The following PLCB2 variants were observed in gnomAD, a reference collection of about 807,000 sequenced individuals.
The protein encoded by PLCB2 is phospholipase C beta 2, also known as 1-phosphatidylinositol 4,5-bisphosphate phosphodiesterase beta-2.
PLCB2 carries 115 observed loss-of-function variants against 141.7 expected under a neutral mutation model. The ratio of observed to expected loss-of-function variants is 0.81; its 90% confidence interval spans 0.70 to 0.95. The LOEUF (loss-of-function observed/expected upper bound fraction) is 0.95. Among genes scored for constraint, PLCB2 ranks in the 40% least tolerant of loss-of-function variants. The pLI is 0.00. For synonymous variants in PLCB2, 603 were observed against 595.6 expected, an observed-to-expected ratio of 1.01 and a Z score of -0.18; for missense variants, 1,403 against 1,541.1, an observed-to-expected ratio of 0.91 and a Z score of 1.50.
downstream of PLCB2, chr15:40,285,485 A>G (rs2039598056): frequency 1.0e-6 from 1 of 966,870 alleles, no homozygotes; most frequent in South Asian, 4.8e-5. Context: ...CATTTTTTTT[A>G]TTTTGTTTTG....
At position 40,291,794 on chromosome 15, in the gene PLCB2, C is replaced by T. The variant is rs777951553; in HGVS notation, c.2602+55G>A. The stretch of plus-strand genomic sequence containing the variant: ...GGTGAAATTTTTTAAAGGGAAGTGC[C>T]TGTGGGTGCAGAGGTGGAGGTGCCC... On this transcript the variant is annotated intron_variant, in intron 24 of 31. Coordinates refer to ENST00000260402, the MANE Select transcript of PLCB2 (RefSeq NM_004573.3). 4 of 1,612,760 alleles carry T rather than the reference C, an allele frequency of 2.5e-6. 1 individual carries two copies. In the South Asian group the frequency reaches 4.4e-5, roughly 18 times the overall value.
chr15:40,307,864 G>C lies in PLCB2; in HGVS notation c.-192C>G. The stretch of plus-strand genomic sequence containing the variant: ...GTGCAGGACTGAGCTGTAGCCAGAG[G>C]CCCATCTGCCTTGTAAATCACCCTC... On this transcript the variant is annotated 5_prime_UTR_variant, in exon 1 of 32. Transcript: ENST00000260402. The C allele has an allele frequency of 4.9e-6, 2 of 404,998 alleles. No homozygotes were observed. Among genetic ancestry groups the C allele is most frequent in the Non-Finnish European group, 8.7e-6 (2 of 229,080 alleles). 25.1% of individuals were successfully genotyped at this position (404,998 alleles called of 1,614,324 possible). A position where few individuals can be genotyped will look rare whatever the true frequency, so the allele number is the denominator to read the frequency against.
intron 24 of PLCB2, 43 bp from the exon 25 acceptor site, chr15:40,291,693 CCCTTGGCTCCGTTCG>C (rs753589352): frequency 9.9e-6 from 16 of 1,609,210 alleles, no homozygotes; most frequent in African/African-American, 2.7e-5. Flanking sequence ...TCTGGGGGGC[CCCTTGGCTCCGTTCG>C]CCTCCTCCAC....
intron 1 of PLCB2, among the ~76,000 whole-genome samples, chr15:40,306,648 C>T (rs2141202627): frequency 6.6e-6 from 1 of 152,326 alleles, no homozygotes; most frequent in East Asian, 1.9e-4. Flanking sequence ...ATCCCCTAGC[C>T]TAGCCCAGCC....
At chr15:40,294,498 C>T in intron 18 of PLCB2, 78 bp from the exon 19 acceptor site, 1 of 1,495,132 alleles carries the variant, frequency 6.7e-7, no homozygotes, top group South Asian at 1.1e-5. Context: ...CATTCCCAGC[C>T]TTTGCTGTCT....
chr15:40,284,565 G>A (rs1200243533), downstream of PLCB2: 1 of 454,316 alleles, frequency 2.2e-6, no homozygotes, highest in Non-Finnish European at 4.4e-6. Context: ...TCCCAGGCCG[G>A]GTGCAGTGGC....
chr15:40,289,435 C>T, intron 30 of PLCB2, 77 bp from the exon 31 acceptor site: 1 of 1,096,506 alleles, frequency 9.1e-7, no homozygotes, highest in Non-Finnish European at 1.4e-6. Flanking sequence ...GTAATCCCAG[C>T]TAACTAGTTG....
chr15:40,287,880 T>C (rs533957350), downstream of PLCB2: 5 of 972,060 alleles, frequency 5.1e-6, no homozygotes, highest in African/African-American at 7.0e-5. Context: ...TTTCTACCTG[T>C]AGAATAGAGA....
intron 26 of PLCB2, 23 bp downstream of exon 26, chr15:40,291,242 C>T (rs1376080604): frequency 1.3e-5 from 20 of 1,572,666 alleles, no homozygotes; most frequent in Non-Finnish European, 1.6e-5. Context: ...CTGCAGAGGG[C>T]AGGGCACCGC....
At chr15:40,305,175 C>CTTTTTTTTTTTTTTTTTTTTTTTTTT (rs11320842) in intron 1 of PLCB2, among the ~76,000 whole-genome samples, 1 of 134,780 alleles carries the variant, frequency 7.4e-6, no homozygotes, top group South Asian at 2.4e-4. Context: ...TTTGTGATCT[C>CTTTTTTTTTTTTTTTTTTTTTTTTTT]TTTTTTTTTT....
chr15:40,285,778 C>T (rs1216529270), downstream of PLCB2: 7 of 985,356 alleles, frequency 7.1e-6, no homozygotes, highest in Non-Finnish European at 8.4e-6. Flanking sequence ...GGCCCACCAG[C>T]CTGACAAGCC....
chr15:40,285,581 G>A, downstream of PLCB2: 1 of 985,118 alleles, frequency 1.0e-6, no homozygotes, highest in Non-Finnish European at 1.2e-6. Flanking sequence ...TTCTGGGGTG[G>A]CCCCCAGGAA....
chr15:40,300,698 G>A (rs2040458432), intron 7 of PLCB2: 1 of 152,210 alleles, frequency 6.6e-6, no homozygotes, highest in South Asian at 2.1e-4. Context: ...TTTACCACCA[G>A]AATAGGCAAA....
intron 8 of PLCB2, 79 bp from the exon 9 acceptor site, chr15:40,299,043 T>C: frequency 1.3e-6 from 2 of 1,578,486 alleles, no homozygotes. Flanking sequence ...CAGTGAAGCC[T>C]CCTGACTCCC....
At chr15:40,307,556 T>A (rs780726442) in intron 1 of PLCB2, 33 bp downstream of exon 1, 32 of 1,391,918 alleles carry the variant, frequency 2.3e-5, no homozygotes, top group Non-Finnish European at 3.2e-5. Context: ...CACCACCTGG[T>A]GCTCCAGCAG....
intron 8 of PLCB2, 77 bp from the exon 9 acceptor site, chr15:40,299,041 C>A: frequency 6.3e-7 from 1 of 1,575,628 alleles, no homozygotes; most frequent in Non-Finnish European, 8.7e-7. Context: ...TCCAGTGAAG[C>A]CTCCTGACTC....
intron 7 of PLCB2, 124 bp downstream of exon 7, chr15:40,301,833 C>T (rs937405999): frequency 2.4e-6 from 2 of 836,298 alleles, no homozygotes; most frequent in Admixed American, 2.0e-5. Flanking sequence ...GGTTGATTGG[C>T]TCTCCAGGCT....
chr15:40,292,235 C>A, intron 22 of PLCB2, 77 bp from the exon 23 acceptor site: 2 of 1,493,998 alleles, frequency 1.3e-6, no homozygotes, highest in Non-Finnish European at 9.3e-7. Context: ...CTCACCCACT[C>A]CAGGATGCCC....
Position 40,294,990 on chromosome 15 carries a change from G to C in PLCB2, c.1852C>G (p.Gln618Glu). The change falls in exon 18 of 32, where the codon CAG (glutamine) becomes GAG (glutamate). Residue 618 changes from glutamine to glutamate, a missense_variant. This residue lies in a region of PLCB2 where 975 missense variants were observed against 1,141.1 expected (regional missense o/e 0.85). Transcript: ENST00000260402. ...TRMDSSNYMP[Q>E]MFWNAGCQMV... ...TGGCATCCAGCATTCCAGAACATCTGGGGCATGTAGTTGGAGGAGTCCATG... is the reference window on the plus strand; with the variant it reads ...TGGCATCCAGCATTCCAGAACATCTCGGGCATGTAGTTGGAGGAGTCCATG... The C allele has an allele frequency of 6.2e-7, 1 of 1,614,120 alleles. No homozygotes were observed. Among genetic ancestry groups the C allele is most frequent in the Non-Finnish European group, 8.5e-7 (1 of 1,179,986 alleles).
Sources: allele counts gnomAD v4.1 joint callset (sites outside exome capture counted in the v4.1 genomes callset), GRCh38; gene constraint gnomAD v4.1.1; regional missense constraint gnomAD v4.1.1; transcripts MANE v1.5; gene names NCBI Gene and HGNC (gene_info 2026-07-23, HGNC 2026-07-21).